The following RXFP2 variants were observed in gnomAD, a reference collection of about 807,000 sequenced individuals.
The protein encoded by RXFP2 is relaxin receptor 2.
A neutral mutation model predicts 88.6 loss-of-function variants in RXFP2; 68 were observed. The ratio of observed to expected loss-of-function variants is 0.77; its 90% CI spans 0.63 to 0.94. The LOEUF (loss-of-function observed/expected upper bound fraction) is 0.94, where lower values mean the gene tolerates loss of function less well. Among genes scored for constraint, RXFP2 ranks in the 40% least tolerant of loss-of-function variants. RXFP2 has a pLI of 0.00. For synonymous variants in RXFP2, 329 were observed against 306.8 expected (o/e 1.07, Z -0.76); for missense variants, 791 against 893.9 (o/e 0.88, Z 1.47).
At chr13:31,741,527 G>A (rs1358224947) in intron 1 of RXFP2, among the ~76,000 whole-genome samples, 1 of 152,106 alleles carries the variant, frequency 6.6e-6, no homozygotes, top group Admixed American at 6.5e-5. Flanking sequence ...ATTTAGAGTT[G>A]CCTAAGAGTA....
intron 5 of RXFP2, among the ~76,000 whole-genome samples, chr13:31,767,989 A>G (rs766576137): frequency 5.9e-5 from 9 of 152,114 alleles, no homozygotes; most frequent in Non-Finnish European, 1.2e-4. Flanking sequence ...TTAACTCATA[A>G]CTGTGTTCTA....
Position 31,793,069 on chromosome 13 carries a change from T to G in RXFP2, c.1767T>G (p.Tyr589Ter). 1 of 1,612,420 alleles carries G rather than the reference T, an allele frequency of 6.2e-7. No individual in the cohort carries two copies. The highest frequency in any genetic ancestry group is 8.5e-7 in the Non-Finnish European group (1 of 1,178,602). ...DQTEDIGSKGYSLGIFLGVNL... is the reference protein window; with the variant it reads ...DQTEDIGSKG The stretch of plus-strand genomic sequence containing the variant: ...CAGAAGATATTGGAAGCAAAGGGTA[T>G]TCTCTTGGAATTTTCCTAGGTAAAT... The change falls in exon 16 of 18, where the codon TAT becomes TAG. Residue 589 changes from tyrosine (Y) to a stop codon, truncating the protein, a stop_gained. Transcript: ENST00000298386. LOFTEE classifies it high-confidence loss of function.
chr13:31,760,694 C>T (rs1872265061), intron 2 of RXFP2, among the ~76,000 whole-genome samples: 1 of 152,082 alleles, frequency 6.6e-6, no homozygotes, highest in Non-Finnish European at 1.5e-5. Flanking sequence ...AATAAAGATT[C>T]CAAGGATCAA....
At chr13:31,784,954 T>C (rs1873456758) in intron 11 of RXFP2, among the ~76,000 whole-genome samples, 1 of 152,202 alleles carries the variant, frequency 6.6e-6, no homozygotes, top group African/African-American at 2.4e-5. Context: ...TTGTTGCCTG[T>C]CTTTCATGCT....
rs1227564777 is a variant in RXFP2 at position 31,803,046 on chromosome 13, A to G, written c.*641A>G. On this transcript the variant is annotated 3_prime_UTR_variant, in exon 18 of 18. Coordinates refer to ENST00000298386, the MANE Select transcript of RXFP2 (RefSeq NM_130806.5). The stretch of plus-strand genomic sequence containing the variant: ...CTTTTGGATTTTATTTAATATCAGA[A>G]GAGATGAATTCTTAAGATATTTTTC... The G allele has an allele frequency of 6.6e-6, 1 of 152,424 alleles. No homozygotes were observed. Among genetic ancestry groups the G allele is most frequent in the Non-Finnish European group, 1.5e-5 (1 of 68,196 alleles). The allele number at this position is 152,424 out of a possible 1,614,324, so 9.4% of individuals were successfully genotyped here.
At position 31,797,343 on chromosome 13, in the gene RXFP2, A is replaced by G; in HGVS notation, c.1929A>G (p.Ile643Met). ...CTGTTGCAAATCGTTTCTTTTTTAT[A>G]GTGTTCTCTGATGCCATCTGCTGGA... The part of the protein sequence containing the change: ...EVAVANRFFF[I>M]VFSDAICWIP... The change falls in exon 17 of 18, where the codon ATA becomes ATG. Residue 643 changes from isoleucine to methionine, a missense_variant. Transcript: ENST00000298386. 1 of 1,614,110 alleles carries G rather than the reference A, an allele frequency of 6.2e-7. No homozygotes were observed. Among genetic ancestry groups the G allele is most frequent in the Non-Finnish European group, 8.5e-7 (1 of 1,180,004 alleles).
intron 1 of RXFP2, among the ~76,000 whole-genome samples, chr13:31,751,311 A>T (rs567355898): frequency 1.3e-5 from 2 of 151,770 alleles, no homozygotes; most frequent in African/African-American, 2.4e-5. Flanking sequence ...CATATATATT[A>T]TATATATATA....
chr13:31,794,371 CACACACA>C (rs1221019936), intron 16 of RXFP2, among the ~76,000 whole-genome samples: 1 of 1,584 alleles, frequency 6.3e-4, no homozygotes, highest in African/African-American at 7.1e-4. Flanking sequence ...ACACACACCA[CACACACA>C]CACACACACA....
intron 14 of RXFP2, among the ~76,000 whole-genome samples, chr13:31,790,244 G>A (rs578000922): frequency 4.6e-5 from 7 of 152,140 alleles, no homozygotes; most frequent in South Asian, 2.1e-4. Context: ...ACCTGACAAC[G>A]AGTAGTGTGG....
In RXFP2 at chr13:31,765,953, T is replaced by C. The variant is rs1295340511; in HGVS notation, c.426-3T>C. The C allele has an allele frequency of 1.4e-6, 2 of 1,444,654 alleles. No homozygotes were observed. The highest frequency in any genetic ancestry group is 1.4e-5 in the African/African-American group (1 of 71,148). The allele number at this position is 1,444,654 out of a possible 1,614,324, so 89.5% of individuals were successfully genotyped here. A position where few individuals can be genotyped will look rare whatever the true frequency, so the allele number is the denominator to read the frequency against. On this transcript the variant is annotated splice_polypyrimidine_tract_variant and splice_region_variant and intron_variant, in intron 4 of 17. Coordinates refer to ENST00000298386, the MANE Select transcript of RXFP2 (RefSeq NM_130806.5). ...ATGAAGTTTGCTTTACATGTTATTT[T>C]AGGTCTCTTAAGAAAAACAAAATCC... is the stretch of plus-strand genomic sequence containing the variant.
intron 1 of RXFP2, among the ~76,000 whole-genome samples, chr13:31,752,503 G>A (rs985734685): frequency 4.6e-5 from 7 of 151,988 alleles, no homozygotes; most frequent in South Asian, 2.1e-4. Context: ...CCATCCAGGC[G>A]GGGAGTACCA....
rs1872872250 is a variant in RXFP2, at chr13:31,774,827, A to G, written c.569+136A>G. 13 of 678,292 alleles carry G rather than the reference A, an allele frequency of 1.9e-5. No homozygotes were observed. In the South Asian group the frequency reaches 2.1e-4, roughly 11 times the overall value. The allele number at this position is 678,292 out of a possible 1,614,324, so 42.0% of individuals were successfully genotyped here. On this transcript the variant is annotated intron_variant, in intron 6 of 17. Coordinates refer to ENST00000298386, the MANE Select transcript of RXFP2 (RefSeq NM_130806.5). The stretch of plus-strand genomic sequence containing the variant: ...TTATCACAAAGTACTTAGATTAGTT[A>G]TTACACTGAAAGAATTATTAAACGA...
At chr13:31,758,804 G>A (rs959495523) in intron 2 of RXFP2, among the ~76,000 whole-genome samples, 2 of 152,106 alleles carry the variant, frequency 1.3e-5, no homozygotes, top group African/African-American at 2.4e-5. Context: ...TTGGAAGGCC[G>A]AGGCAGGTGG....
At chr13:31,794,756 G>C (rs966717253) in intron 16 of RXFP2, among the ~76,000 whole-genome samples, 2 of 152,132 alleles carry the variant, frequency 1.3e-5, no homozygotes, top group Non-Finnish European at 2.9e-5. Context: ...TGGATTCCCA[G>C]GCTCAAAGCC....
At chr13:31,750,990 G>A (rs1054115865) in intron 1 of RXFP2, among the ~76,000 whole-genome samples, 1 of 152,120 alleles carries the variant, frequency 6.6e-6, no homozygotes, top group African/African-American at 2.4e-5. Context: ...GCAATAGAGA[G>A]ACAAAGATAT....
In RXFP2 at chr13:31,758,525, C is replaced by T. The variant is rs1872084824; in HGVS notation, c.241+121C>T. On this transcript the variant is annotated intron_variant, in intron 2 of 17. Transcript: ENST00000298386. ...CTGATTTGGTGTTCTGTAGGGATTTCCTTTGAAACACAAATAATGACTCCC... is the reference window on the plus strand; with the variant it reads ...CTGATTTGGTGTTCTGTAGGGATTTTCTTTGAAACACAAATAATGACTCCC... 11 of 1,126,176 alleles carry T rather than the reference C, an allele frequency of 9.8e-6. No individual in the cohort carries two copies. The South Asian group carries it at 1.4e-4, about 15-fold the overall frequency. The allele number at this position is 1,126,176 out of a possible 1,614,324, so 69.8% of individuals were successfully genotyped here.
intron 2 of RXFP2, among the ~76,000 whole-genome samples, chr13:31,759,157 G>A (rs1419160891): frequency 2.0e-5 from 3 of 151,754 alleles, no homozygotes; most frequent in Non-Finnish European, 4.4e-5. Flanking sequence ...AAATCACTGG[G>A]ACACAGTGAG....
In RXFP2 at chr13:31,793,031, T is replaced by A; in HGVS notation, c.1729T>A (p.Tyr577Asn). The A allele has an allele frequency of 6.2e-7, 1 of 1,613,528 alleles. No homozygotes were observed. Among genetic ancestry groups the A allele is most frequent in the South Asian group, 1.1e-5 (1 of 91,070 alleles). ...YGKNGVCFPLYYDQTEDIGSK... is the reference protein window; with the variant it reads ...YGKNGVCFPLNYDQTEDIGSK... ...GAAAAATGGAGTATGTTTCCCACTT[T>A]ATTATGACCAAACAGAAGATATTGG... The change falls in exon 16 of 18, where the codon TAT (tyrosine) becomes AAT (asparagine). Residue 577 changes from tyrosine to asparagine, a missense_variant. Physicochemically the swap from Tyr to Asn is moderately radical, Grantham distance 143. Coordinates refer to ENST00000298386, the MANE Select transcript of RXFP2 (RefSeq NM_130806.5).
chr13:31,741,427 C>G lies in RXFP2; in HGVS notation c.94+1721C>G, dbSNP rs553970099. 1.0e-3 allele frequency among the ~76,000 whole-genome samples: 157 copies of G among 152,108 alleles called. 1 individual carries two copies. Among genetic ancestry groups the G allele is most frequent in the African/African-American group, 3.6e-3 (151 of 41,536 alleles). On this transcript the variant is annotated intron_variant, in intron 1 of 17. Coordinates refer to ENST00000298386, the MANE Select transcript of RXFP2 (RefSeq NM_130806.5). ...CTACTTATAAAAATAATAGAATTTGCTCTATAATTAGTAAAACTCTTTTCT... is the reference window on the plus strand; with the variant it reads ...CTACTTATAAAAATAATAGAATTTGGTCTATAATTAGTAAAACTCTTTTCT...
Sources: gnomAD v4.1 joint callset for allele counts (sites outside exome capture counted in the v4.1 genomes callset) on GRCh38, gnomAD v4.1.1 for gene constraint, MANE v1.5 for transcripts, NCBI Gene and HGNC (gene_info 2026-07-23, HGNC 2026-07-21) for gene names.